EIF2S1: variants seen among roughly 807,000 people sequenced by gnomAD.
EIF2S1 encodes eukaryotic translation initiation factor 2 subunit 1.
In EIF2S1, 5 loss-of-function variants were observed where a neutral mutation model predicts 33.5. That is an observed-to-expected ratio of 0.15 (90% CI 0.08 to 0.31). EIF2S1 has a LOEUF of 0.31. Among genes scored for constraint, EIF2S1 ranks in the 10% least tolerant of loss-of-function variants. The pLI is 1.00. For missense variants in EIF2S1, 191 were observed against 384.6 expected, an observed-to-expected ratio of 0.50 and a Z score of 4.21; for synonymous variants, 99 against 127.5, an observed-to-expected ratio of 0.78 and a Z score of 1.51.
intron 7 of EIF2S1, among the ~76,000 whole-genome samples, chr14:67,382,906 TGC>T (rs1555347753): frequency 0.021 from 2,908 of 136,780 alleles, 34 homozygotes; most frequent in Middle Eastern, 0.032. Flanking sequence ...CGTGCGTGCG[TGC>T]GTGTGTGTGT....
intron 2 of EIF2S1, 78 bp from the exon 3 acceptor site, chr14:67,374,390 A>T: frequency 1.4e-6 from 1 of 729,970 alleles, no homozygotes; most frequent in Non-Finnish European, 2.1e-6. Context: ...TCAAACACTT[A>T]ATTTGGTCTT....
In EIF2S1 at chr14:67,382,607, C is replaced by T. The variant is rs140127317; in HGVS notation, c.822+17C>T. On this transcript the variant is annotated intron_variant, in intron 7 of 7. Coordinates refer to ENST00000256383, the MANE Select transcript of EIF2S1 (RefSeq NM_004094.5). ...CAAATGGAGGTGAGATCAATAGATTCATTTTTAATAATGACTCAGGAGGTT... is the reference window on the plus strand; with the variant it reads ...CAAATGGAGGTGAGATCAATAGATTTATTTTTAATAATGACTCAGGAGGTT... The T allele has an allele frequency of 0.024, 39,364 of 1,613,302 alleles. 578 individuals carry two copies. Among genetic ancestry groups the T allele is most frequent in the Non-Finnish European group, 0.028 (33,258 of 1,179,392 alleles).
intron 6 of EIF2S1, 72 bp downstream of exon 6, chr14:67,381,762 CT>C (rs34614329): frequency 0.22 from 171,679 of 772,238 alleles, 1,637 homozygotes; most frequent in African/African-American, 0.28. Context: ...ATCTTTGTTT[CT>C]TTTTTTTTTT....
rs2085912028 is a variant in EIF2S1, at chr14:67,384,986, T to TTTTG, written c.*1550_*1553dup. On this transcript the variant is annotated 3_prime_UTR_variant, in exon 8 of 8. Transcript: ENST00000256383. Reference sequence around the variant, plus strand: ...TACGCAGAGGAATTTTTTCTTTTGATTTTGTTTACTGAAATTTGTTATACT... The same window carrying TTTTG: ...TACGCAGAGGAATTTTTTCTTTTGATTTTGTTTGTTTACTGAAATTTGTTATACT... 6.6e-6 allele frequency: 1 copy of TTTTG among 152,222 alleles called. No homozygotes were observed. Among genetic ancestry groups the TTTTG allele is most frequent in the Admixed American group, 6.5e-5 (1 of 15,288 alleles). 9.4% of individuals were successfully genotyped at this position (152,222 alleles called of 1,614,324 possible). A position where few individuals can be genotyped will look rare whatever the true frequency, so the allele number is the denominator to read the frequency against.
intron 3 of EIF2S1, 116 bp downstream of exon 3, chr14:67,374,663 A>T: frequency 3.1e-6 from 2 of 641,372 alleles, no homozygotes; most frequent in Non-Finnish European, 4.9e-6. Context: ...AATATTCTCA[A>T]ATTAGTACTA....
intron 5 of EIF2S1, among the ~76,000 whole-genome samples, chr14:67,381,002 T>TA (rs1452185591): frequency 6.6e-6 from 1 of 152,156 alleles, no homozygotes; most frequent in Non-Finnish European, 1.5e-5. Context: ...GCCCTTTTTT[T>TA]AAAAAGAGGG....
Position 67,383,557 on chromosome 14 carries a change from T to TAAG in EIF2S1, c.*118_*120dup. 2.1e-6 allele frequency: 3 copies of TAAG among 1,419,138 alleles called. No homozygotes were observed. Among genetic ancestry groups the TAAG allele is most frequent in the Non-Finnish European group, 2.9e-6 (3 of 1,041,094 alleles). 87.9% of individuals were successfully genotyped at this position (1,419,138 alleles called of 1,614,324 possible). A position where few individuals can be genotyped will look rare whatever the true frequency, so the allele number is the denominator to read the frequency against. ...TTCAAAGCTGAATATTTTTTATTTC[T>TAAG]AAGTATTTAAATGTTCTAACAGATC... is the stretch of plus-strand genomic sequence containing the variant. On this transcript the variant is annotated 3_prime_UTR_variant, in exon 8 of 8. Coordinates refer to ENST00000256383, the MANE Select transcript of EIF2S1 (RefSeq NM_004094.5).
chr14:67,386,120 C>T lies in EIF2S1; in HGVS notation c.*2680C>T, dbSNP rs796459437. On this transcript the variant is annotated 3_prime_UTR_variant, in exon 8 of 8. Coordinates refer to ENST00000256383, the MANE Select transcript of EIF2S1 (RefSeq NM_004094.5). ...GGAGGCAGGAAGCCATCAAACTAAA[C>T]GTAGTTTAATTCAGATGAACACCTA... is the stretch of plus-strand genomic sequence containing the variant. 6.6e-5 allele frequency: 10 copies of T among 152,588 alleles called. 1 individual carries two copies. Among genetic ancestry groups the T allele is most frequent in the African/African-American group, 2.2e-4 (9 of 41,528 alleles). The allele number at this position is 152,588 out of a possible 1,614,324, so 9.5% of individuals were successfully genotyped here. A position where few individuals can be genotyped will look rare whatever the true frequency, so the allele number is the denominator to read the frequency against.
chr14:67,368,484 A>C (rs1289242736), intron 2 of EIF2S1, among the ~76,000 whole-genome samples: 1 of 152,114 alleles, frequency 6.6e-6, no homozygotes, highest in Non-Finnish European at 1.5e-5. Flanking sequence ...GTTACTACTA[A>C]TAATATTAAT....
chr14:67,382,686 T>G (rs115563767), intron 7 of EIF2S1, 96 bp downstream of exon 7: 1 of 1,419,672 alleles, frequency 7.0e-7, no homozygotes, highest in East Asian at 2.3e-5. Flanking sequence ...GAATGTCATA[T>G]TGTAGGATGG....
chr14:67,383,129 C>T (rs747442243), intron 7 of EIF2S1, among the ~76,000 whole-genome samples, 186 bp from the exon 8 acceptor site: 2 of 152,098 alleles, frequency 1.3e-5, no homozygotes, highest in African/African-American at 4.8e-5. Context: ...CTATACTATT[C>T]TCATAAGTTT....
chr14:67,380,577 T>G, intron 4 of EIF2S1, 82 bp from the exon 5 acceptor site: 1 of 621,462 alleles, frequency 1.6e-6, no homozygotes, highest in Non-Finnish European at 2.6e-6. Context: ...AACTATTATA[T>G]GCATTGTTCC....
intron 3 of EIF2S1, chr14:67,374,768 T>G: frequency 8.4e-6 from 3 of 355,370 alleles, no homozygotes; most frequent in Non-Finnish European, 1.5e-5. Flanking sequence ...AAATACGGGG[T>G]TTTTTTGTTT....
intron 4 of EIF2S1, among the ~76,000 whole-genome samples, chr14:67,380,289 C>T (rs1313024738): frequency 6.6e-6 from 1 of 152,086 alleles, no homozygotes; most frequent in African/African-American, 2.4e-5. Flanking sequence ...GTCCTGATGC[C>T]CACAGATGTA....
intron 2 of EIF2S1, among the ~76,000 whole-genome samples, chr14:67,368,158 G>A (rs1284632162): frequency 6.6e-6 from 1 of 152,158 alleles, no homozygotes; most frequent in Non-Finnish European, 1.5e-5. Context: ...GGAAAAAGTA[G>A]GTCAGAGCTT....
intron 2 of EIF2S1, among the ~76,000 whole-genome samples, chr14:67,370,505 C>G (rs904346575): frequency 3.3e-5 from 5 of 151,956 alleles, no homozygotes; most frequent in African/African-American, 9.7e-5. Context: ...ACACAAATTA[C>G]CAATCTGGAA....
chr14:67,386,516 A>G lies in EIF2S1; in HGVS notation c.*3076A>G, dbSNP rs2085924870. 6.6e-6 allele frequency: 1 copy of G among 152,248 alleles called. No homozygotes were observed. The highest frequency in any genetic ancestry group is 1.5e-5 in the Non-Finnish European group (1 of 68,042). The allele number at this position is 152,248 out of a possible 1,614,324, so 9.4% of individuals were successfully genotyped here. On this transcript the variant is annotated 3_prime_UTR_variant, in exon 8 of 8. Transcript: ENST00000256383. ...AGTAATAAAAATGTTCTTTAAAAGT[A>G]TTGTATGATACAGACTTTTCACTAC...
chr14:67,365,698 A>AT (rs1311296284), intron 2 of EIF2S1, among the ~76,000 whole-genome samples: 2 of 152,158 alleles, frequency 1.3e-5, no homozygotes, highest in East Asian at 3.9e-4. Flanking sequence ...TCTTACTATA[A>AT]TTTGTTAGGT....
At chr14:67,366,371 C>A (rs577614178) in intron 2 of EIF2S1, among the ~76,000 whole-genome samples, 17 of 152,280 alleles carry the variant, frequency 1.1e-4, no homozygotes, top group African/African-American at 3.9e-4. Context: ...TGTGCTCAGC[C>A]TTCTTTTTCT....
Sources: allele counts gnomAD v4.1 joint callset (sites outside exome capture counted in the v4.1 genomes callset), GRCh38; gene constraint gnomAD v4.1.1; transcripts MANE v1.5; gene names NCBI Gene and HGNC (gene_info 2026-07-23, HGNC 2026-07-21).